Variants in ROBO2 observed in about 807,000 individuals in gnomAD.
ROBO2 encodes roundabout guidance receptor 2.
Under a neutral mutation model 160.8 loss-of-function variants are expected in ROBO2, and 53 were observed. The ratio of observed to expected loss-of-function variants is 0.33; its 90% confidence interval spans 0.26 to 0.41. The LOEUF is 0.41. ROBO2 is among the 10% of genes least tolerant of loss of function. The pLI is 1.00. For missense variants in ROBO2, 1,577 were observed against 1,722.4 expected, an observed-to-expected ratio of 0.92 and a Z score of 1.49; for synonymous variants, 664 against 611.7, an observed-to-expected ratio of 1.09 and a Z score of -1.26.
intron 2 of ROBO2, among the ~76,000 whole-genome samples, chr3:75,967,958 G>A (rs150126220): frequency 8.4e-4 from 127 of 151,664 alleles, no homozygotes; most frequent in African/African-American, 2.9e-3. Flanking sequence ...CAATTACAGA[G>A]TGAACAATTT....
intron 2 of ROBO2, among the ~76,000 whole-genome samples, chr3:76,438,894 A>G (rs904403134): frequency 2.0e-5 from 3 of 152,024 alleles, no homozygotes; most frequent in African/African-American, 7.2e-5. Flanking sequence ...AATTCAAGGC[A>G]TAAAGTTCAC....
rs570231283 is a variant in ROBO2, at chr3:76,440,081, G to T, written c.109+502479G>T. On this transcript the variant is annotated intron_variant, in intron 2 of 26. Transcript: ENST00000487694. ...ATTCTGGGGAACTCTGAACTACCAT[G>T]GATGAATCCTGTCTCTCCTGCTAGA... is the stretch of plus-strand genomic sequence containing the variant. Among the ~76,000 whole-genome samples, 33 of 152,254 alleles carry T rather than the reference G, an allele frequency of 2.2e-4. 1 individual carries two copies. The East Asian group carries it at 4.8e-3, about 22-fold the overall frequency.
At chr3:76,881,695 AG>A (rs1429445084) in intron 2 of ROBO2, among the ~76,000 whole-genome samples, 3 of 152,256 alleles carry the variant, frequency 2.0e-5, no homozygotes, top group Non-Finnish European at 4.4e-5. Flanking sequence ...AGAAGTTCAT[AG>A]GTCAATAGTT....
chr3:77,259,326 G>A (rs1560365312), intron 2 of ROBO2, among the ~76,000 whole-genome samples: 1 of 152,214 alleles, frequency 6.6e-6, no homozygotes, highest in African/African-American at 2.4e-5. Context: ...AAGCACCATA[G>A]AAGTTGCGAA....
Position 76,446,895 on chromosome 3 carries a change from G to A in ROBO2, c.109+509293G>A, listed in dbSNP as rs180876952. On this transcript the variant is annotated intron_variant, in intron 2 of 26. Coordinates refer to the ROBO2 transcript ENST00000487694. ...CACCTTATACAAAAATTAATTCAAG[G>A]TGGATTAAAGACTTAAATATTAGAT... 5.9e-3 allele frequency among the ~76,000 whole-genome samples: 900 copies of A among 152,126 alleles called. 10 individuals carry two copies. The highest frequency in any genetic ancestry group is 0.02 in the African/African-American group (810 of 41,492).
At chr3:76,265,144 C>T (rs1384414347) in intron 2 of ROBO2, among the ~76,000 whole-genome samples, 1 of 152,124 alleles carries the variant, frequency 6.6e-6, no homozygotes, top group African/African-American at 2.4e-5. Flanking sequence ...CCTGGAGGCA[C>T]GTGAGTCCCT....
At chr3:75,930,524 G>T (rs928042867) in intron 1 of ROBO2, among the ~76,000 whole-genome samples, 3 of 152,014 alleles carry the variant, frequency 2.0e-5, no homozygotes, top group Admixed American at 2.0e-4. Context: ...TGTCCTAATT[G>T]CTCTTTTTTC....
chr3:76,602,428 C>G (rs564999890), intron 2 of ROBO2, among the ~76,000 whole-genome samples: 1 of 152,272 alleles, frequency 6.6e-6, no homozygotes, highest in African/African-American at 2.4e-5. Flanking sequence ...ATACCCAAGA[C>G]CTGGTAATTT....
chr3:76,606,202 T>C (rs537604790), intron 2 of ROBO2, among the ~76,000 whole-genome samples: 119 of 152,300 alleles, frequency 7.8e-4, no homozygotes, highest in African/African-American at 2.8e-3. Context: ...CTTTGCACTG[T>C]GTTACCTAAT....
chr3:76,454,663 T>G (rs2077658696), intron 2 of ROBO2, among the ~76,000 whole-genome samples: 1 of 152,138 alleles, frequency 6.6e-6, no homozygotes, highest in East Asian at 1.9e-4. Flanking sequence ...AGGAATTAAT[T>G]AAATGTAATT....
intron 2 of ROBO2, among the ~76,000 whole-genome samples, chr3:76,625,756 G>A (rs761016273): frequency 1.3e-5 from 2 of 152,170 alleles, no homozygotes; most frequent in South Asian, 2.1e-4. Flanking sequence ...GAAGCGCAAC[G>A]TTGTGGGGGA....
At chr3:77,635,009 A>C (rs2095239859) in exon 24 of ROBO2, 8 of 1,614,152 alleles carry the variant, frequency 5.0e-6, no homozygotes, top group Non-Finnish European at 6.8e-6. Flanking sequence ...ACCAACAACC[A>C]GCATTGCCTC....
intron 2 of ROBO2, among the ~76,000 whole-genome samples, chr3:76,762,699 T>C (rs544008623): frequency 7.2e-4 from 109 of 151,800 alleles, no homozygotes; most frequent in African/African-American, 2.5e-3. Context: ...TTCTCAGAAC[T>C]TGAACATTCA....
Position 77,318,790 on chromosome 3 carries a change from C to G in ROBO2, c.389-158624C>G, listed in dbSNP as rs555144125. Among the ~76,000 whole-genome samples, 30 of 152,250 alleles carry G rather than the reference C, an allele frequency of 2.0e-4. No individual in the cohort carries two copies. In the South Asian group the frequency reaches 3.3e-3, roughly 17 times the overall value. On this transcript the variant is annotated intron_variant, in intron 2 of 25. Coordinates refer to ENST00000461745, the Ensembl canonical transcript of ROBO2. ...GTAAGTTGTAAGTGCTACCATGAAC[C>G]AGCCAATGATCTCTACTACATACTA...
intron 2 of ROBO2, among the ~76,000 whole-genome samples, chr3:76,272,885 TATATAAAA>T (rs1707599302): frequency 4.2e-5 from 3 of 71,066 alleles, no homozygotes; most frequent in Admixed American, 2.7e-4. Context: ...TATATATTTA[TATATAAAA>T]ATATAATATA....
At chr3:76,425,688 CTA>C (rs1424423803) in intron 2 of ROBO2, among the ~76,000 whole-genome samples, 1 of 152,024 alleles carries the variant, frequency 6.6e-6, no homozygotes, top group Non-Finnish European at 1.5e-5. Context: ...TCCTCATAGA[CTA>C]TGAGTTCCTC....
intron 2 of ROBO2, among the ~76,000 whole-genome samples, chr3:77,276,704 G>A (rs577902166): frequency 4.9e-4 from 75 of 152,232 alleles, no homozygotes; most frequent in African/African-American, 1.8e-3. Context: ...CTGGGCAACT[G>A]GAGTCTGTTC....
At chr3:76,918,795 G>A (rs369337983) in intron 2 of ROBO2, among the ~76,000 whole-genome samples, 1 of 152,170 alleles carries the variant, frequency 6.6e-6, no homozygotes, top group Non-Finnish European at 1.5e-5. Context: ...TAGTGTAAAA[G>A]CATTCCTATT....
intron 2 of ROBO2, among the ~76,000 whole-genome samples, chr3:76,990,599 G>T (rs1416066506): frequency 6.6e-6 from 1 of 152,066 alleles, no homozygotes; most frequent in Non-Finnish European, 1.5e-5. Context: ...CCCAACACAC[G>T]CCAAGAATGT....
Sources: allele counts gnomAD v4.1 joint callset (sites outside exome capture counted in the v4.1 genomes callset), GRCh38; gene constraint gnomAD v4.1.1; transcripts MANE v1.5; gene names NCBI Gene and HGNC (gene_info 2026-07-23, HGNC 2026-07-21).